NUDT3: variants seen among roughly 807,000 people sequenced by gnomAD.
NUDT3 encodes the protein diphosphoinositol polyphosphate phosphohydrolase 1.
NUDT3 carries 9 observed loss-of-function variants against 23.6 expected under a neutral mutation model. The observed-to-expected ratio is 0.38, with a 90% CI of 0.23 to 0.66. The LOEUF (loss-of-function observed/expected upper bound fraction) is 0.66. Among genes scored for constraint, NUDT3 ranks in the 30% least tolerant of loss-of-function variants. The pLI, the probability that NUDT3 is intolerant of heterozygous loss-of-function variation, is 0.52. For missense variants in NUDT3, 172 were observed against 218.5 expected (o/e 0.79, Z 1.34); for synonymous variants, 86 against 82.6 (o/e 1.04, Z -0.22).
chr6:34,377,188 T>C (rs1358724745), intron 1 of NUDT3, among the ~76,000 whole-genome samples: 4 of 152,218 alleles, frequency 2.6e-5, no homozygotes, highest in Admixed American at 6.5e-5. Flanking sequence ...AGGCACATAA[T>C]GCAGCCACTT....
At chr6:34,370,317 G>A (rs1314712551) in intron 1 of NUDT3, among the ~76,000 whole-genome samples, 1 of 152,164 alleles carries the variant, frequency 6.6e-6, no homozygotes, top group African/African-American at 2.4e-5. Context: ...CTGACCACTT[G>A]ATGCCATCAA....
intron 2 of NUDT3, among the ~76,000 whole-genome samples, chr6:34,297,746 TATATATATATATA>T (rs1259934903): frequency 2.7e-5 from 3 of 109,188 alleles, no homozygotes; most frequent in Admixed American, 1.1e-4. Context: ...TATATATATA[TATATATATATATA>T]ATTTTTTTTT....
chr6:34,343,914 C>T (rs993873783), intron 1 of NUDT3, among the ~76,000 whole-genome samples: 4 of 152,010 alleles, frequency 2.6e-5, no homozygotes, highest in African/African-American at 9.7e-5. Flanking sequence ...ATACAAATGG[C>T]TAATAAGCAC....
chr6:34,370,833 G>A (rs899157345), intron 1 of NUDT3, among the ~76,000 whole-genome samples: 7 of 152,196 alleles, frequency 4.6e-5, no homozygotes, highest in African/African-American at 1.7e-4. Flanking sequence ...GCCAGGCGCC[G>A]TGGCTCACAC....
intron 2 of NUDT3, among the ~76,000 whole-genome samples, chr6:34,319,867 AAGTC>A (rs1763914294): frequency 6.6e-6 from 1 of 152,172 alleles, no homozygotes; most frequent in Non-Finnish European, 1.5e-5. Context: ...GGGCAGGAGA[AAGTC>A]AGAGACAGAG....
intron 2 of NUDT3, among the ~76,000 whole-genome samples, chr6:34,333,143 A>G (rs1037559284): frequency 2.0e-5 from 3 of 152,122 alleles, no homozygotes; most frequent in African/African-American, 7.2e-5. Context: ...GGTCACTCTA[A>G]AAGGATTTTG....
chr6:34,344,924 T>C (rs919367335), intron 1 of NUDT3, among the ~76,000 whole-genome samples: 1 of 152,120 alleles, frequency 6.6e-6, no homozygotes, highest in South Asian at 2.1e-4. Context: ...GTGCTGGGAT[T>C]ACAGGCGTGA....
intron 1 of NUDT3, among the ~76,000 whole-genome samples, chr6:34,383,466 C>T (rs1034703183): frequency 6.6e-6 from 1 of 152,176 alleles, no homozygotes; most frequent in Non-Finnish European, 1.5e-5. Context: ...CAGCTCACCA[C>T]ATCCTAGACA....
chr6:34,316,995 G>A (rs943424085), intron 2 of NUDT3, among the ~76,000 whole-genome samples: 1 of 152,176 alleles, frequency 6.6e-6, no homozygotes, highest in African/African-American at 2.4e-5. Flanking sequence ...CTTGGACCAG[G>A]GGGATAGTGA....
chr6:34,335,977 T>C (rs1012957020), intron 2 of NUDT3, among the ~76,000 whole-genome samples: 1 of 152,122 alleles, frequency 6.6e-6, no homozygotes, highest in Non-Finnish European at 1.5e-5. Flanking sequence ...GTATACAATA[T>C]ATAATGATAA....
intron 2 of NUDT3, among the ~76,000 whole-genome samples, chr6:34,338,453 C>T (rs968915039): frequency 9.8e-5 from 15 of 152,326 alleles, no homozygotes; most frequent in African/African-American, 3.1e-4. Flanking sequence ...ATTATAGTTT[C>T]CTATTAACTC....
intron 2 of NUDT3, among the ~76,000 whole-genome samples, chr6:34,320,321 G>T (rs931390878): frequency 6.6e-6 from 1 of 152,104 alleles, no homozygotes; most frequent in African/African-American, 2.4e-5. Context: ...CGCCTCCCGG[G>T]TTTAAAGCGA....
intron 1 of NUDT3, among the ~76,000 whole-genome samples, chr6:34,346,929 A>T (rs373275568): frequency 1.3e-5 from 2 of 152,066 alleles, no homozygotes; most frequent in East Asian, 3.9e-4. Flanking sequence ...CTAATTTTTA[A>T]ATTTTTTAAA....
chr6:34,357,563 G>A (rs1368898370), intron 1 of NUDT3, among the ~76,000 whole-genome samples: 1 of 151,120 alleles, frequency 6.6e-6, no homozygotes, highest in East Asian at 1.9e-4. Context: ...GCAATGAGCC[G>A]TGATCATCCC....
At chr6:34,359,666 T>C (rs552527528) in intron 1 of NUDT3, among the ~76,000 whole-genome samples, 2 of 152,366 alleles carry the variant, frequency 1.3e-5, no homozygotes, top group South Asian at 4.1e-4. Context: ...AATGTGTTTA[T>C]CCATTCATCT....
chr6:34,329,839 G>C (rs186869951), intron 2 of NUDT3, among the ~76,000 whole-genome samples: 1 of 151,946 alleles, frequency 6.6e-6, no homozygotes, highest in East Asian at 1.9e-4. Flanking sequence ...GTGATGTTCC[G>C]CACCCTGTGT....
chr6:34,360,880 C>T (rs1386639433), intron 1 of NUDT3, among the ~76,000 whole-genome samples: 4 of 149,974 alleles, frequency 2.7e-5, no homozygotes, highest in South Asian at 2.1e-4. Flanking sequence ...ATAAAAAAAC[C>T]CAATTAAAAA....
intron 1 of NUDT3, among the ~76,000 whole-genome samples, chr6:34,353,695 C>T (rs1024949094): frequency 1.3e-5 from 2 of 151,856 alleles, no homozygotes; most frequent in African/African-American, 4.8e-5. Context: ...TGAGCCACAC[C>T]CAGCCTTGCT....
At chr6:34,326,679 C>T (rs1764036454) in intron 2 of NUDT3, among the ~76,000 whole-genome samples, 1 of 151,942 alleles carries the variant, frequency 6.6e-6, no homozygotes, top group Admixed American at 6.6e-5. Context: ...CAGCTCACTG[C>T]AACCTCTGCC....
Sources: allele counts gnomAD v4.1 joint callset (sites outside exome capture counted in the v4.1 genomes callset), GRCh38; gene constraint gnomAD v4.1.1; transcripts MANE v1.5; gene names NCBI Gene and HGNC (gene_info 2026-07-23, HGNC 2026-07-21).